ANTXR2: variants seen among roughly 807,000 people sequenced by gnomAD.
ANTXR2 encodes anthrax toxin receptor 2.
In ANTXR2, 44 loss-of-function variants were observed where a neutral mutation model predicts 73.7. The observed-to-expected ratio is 0.60, with a 90% CI of 0.47 to 0.77. The LOEUF is 0.77. Ranked by LOEUF, ANTXR2 falls within the 30% of genes least tolerant of loss-of-function variation. ANTXR2 has a pLI of 0.00. For synonymous variants in ANTXR2, 217 were observed against 205.9 expected, an observed-to-expected ratio of 1.05 and a Z score of -0.46; for missense variants, 604 against 592.5, an observed-to-expected ratio of 1.02 and a Z score of -0.20.
chr4:80,043,311 A>G (rs1733364188), intron 7 of ANTXR2, among the ~76,000 whole-genome samples: 1 of 151,982 alleles, frequency 6.6e-6, no homozygotes, highest in South Asian at 2.1e-4. Flanking sequence ...TAAATATTTG[A>G]TCTCTGCAAT....
intron 14 of ANTXR2, among the ~76,000 whole-genome samples, chr4:79,982,046 A>G (rs989692482): frequency 7.2e-5 from 11 of 152,104 alleles, no homozygotes; most frequent in African/African-American, 2.7e-4. Context: ...TCACTCACAC[A>G]TTTCCTTTCC....
At chr4:79,997,330 CA>C (rs145607451) in intron 12 of ANTXR2, among the ~76,000 whole-genome samples, 1 of 150,952 alleles carries the variant, frequency 6.6e-6, no homozygotes, top group African/African-American at 2.4e-5. Flanking sequence ...TTGCCAGTGA[CA>C]AAAAAAATGC....
intron 10 of ANTXR2, 99 bp from the exon 11 acceptor site, chr4:80,019,075 A>C: frequency 1.3e-6 from 1 of 790,206 alleles, no homozygotes; most frequent in South Asian, 2.3e-5. Context: ...CAGAAAACAT[A>C]CTTAAAGAGT....
At chr4:80,057,270 A>G (rs528355421) in intron 3 of ANTXR2, among the ~76,000 whole-genome samples, 112 of 152,116 alleles carry the variant, frequency 7.4e-4, no homozygotes, top group African/African-American at 2.4e-3. Context: ...GCCATACACA[A>G]CATTTATATA....
chr4:80,048,592 G>T (rs1033737554), intron 7 of ANTXR2, among the ~76,000 whole-genome samples: 1 of 151,656 alleles, frequency 6.6e-6, no homozygotes, highest in Admixed American at 6.6e-5. Flanking sequence ...CAACTAAGTG[G>T]TCAACATTCA....
chr4:79,935,697 T>A (rs1000625206), intron 16 of ANTXR2, among the ~76,000 whole-genome samples: 4 of 152,218 alleles, frequency 2.6e-5, no homozygotes, highest in South Asian at 2.1e-4. Context: ...TTATTTTGGA[T>A]ACAGCTATTG....
At chr4:80,068,629 A>C (rs959640600) in intron 3 of ANTXR2, among the ~76,000 whole-genome samples, 1 of 152,030 alleles carries the variant, frequency 6.6e-6, no homozygotes, top group African/African-American at 2.4e-5. Flanking sequence ...AAAATTGGCC[A>C]GGTGTGGTGG....
At chr4:79,936,637 T>A (rs1728272315) in intron 16 of ANTXR2, among the ~76,000 whole-genome samples, 1 of 151,932 alleles carries the variant, frequency 6.6e-6, no homozygotes, top group Non-Finnish European at 1.5e-5. Context: ...TGGGAAATAA[T>A]GCAAAAGAAA....
At chr4:80,017,311 T>C (rs1731920097) in intron 11 of ANTXR2, among the ~76,000 whole-genome samples, 1 of 152,204 alleles carries the variant, frequency 6.6e-6, no homozygotes, top group Non-Finnish European at 1.5e-5. Flanking sequence ...TTCCCTCAGA[T>C]GGTCTGCAGG....
At chr4:79,989,995 C>A (rs990379514) in intron 12 of ANTXR2, among the ~76,000 whole-genome samples, 1 of 151,970 alleles carries the variant, frequency 6.6e-6, no homozygotes, top group Non-Finnish European at 1.5e-5. Flanking sequence ...ATAGTAAGAA[C>A]CATCTATGAT....
chr4:80,049,089 T>C (rs1334685840), intron 7 of ANTXR2, among the ~76,000 whole-genome samples: 1 of 150,656 alleles, frequency 6.6e-6, no homozygotes, highest in Non-Finnish European at 1.5e-5. Context: ...TCACAACTGA[T>C]TTATTTCTTT....
intron 16 of ANTXR2, among the ~76,000 whole-genome samples, chr4:79,966,487 G>A (rs1347706867): frequency 6.6e-6 from 1 of 152,068 alleles, no homozygotes; most frequent in Non-Finnish European, 1.5e-5. Flanking sequence ...ATCCAAATTA[G>A]CTGTGCCAAA....
chr4:79,992,289 G>T (rs566955640), intron 12 of ANTXR2, among the ~76,000 whole-genome samples: 2 of 151,712 alleles, frequency 1.3e-5, no homozygotes, highest in East Asian at 3.9e-4. Flanking sequence ...ATATTTTGAT[G>T]TCATTGATAA....
intron 16 of ANTXR2, among the ~76,000 whole-genome samples, chr4:79,958,484 T>A (rs1225647223): frequency 6.6e-6 from 1 of 152,158 alleles, no homozygotes; most frequent in Admixed American, 6.6e-5. Context: ...TTAAGATTAA[T>A]GACAGAAGTC....
intron 16 of ANTXR2, among the ~76,000 whole-genome samples, chr4:79,924,988 T>C (rs186726928): frequency 1.3e-5 from 2 of 152,270 alleles, no homozygotes; most frequent in Admixed American, 6.5e-5. Flanking sequence ...ATGGCATCCC[T>C]GAGAAAAATC....
intron 16 of ANTXR2, among the ~76,000 whole-genome samples, chr4:79,921,880 A>G (rs912593940): frequency 6.6e-6 from 1 of 151,900 alleles, no homozygotes; most frequent in African/African-American, 2.4e-5. Context: ...TGCCTTAGGT[A>G]TTTTTATTAT....
intron 16 of ANTXR2, among the ~76,000 whole-genome samples, chr4:79,952,934 T>C (rs1728758795): frequency 1.3e-5 from 2 of 152,092 alleles, no homozygotes; most frequent in Admixed American, 1.3e-4. Flanking sequence ...CTCAGCAAAA[T>C]ATTATATAAT....
At chr4:80,049,986 G>A (rs1358831952) in intron 7 of ANTXR2, among the ~76,000 whole-genome samples, 1 of 151,650 alleles carries the variant, frequency 6.6e-6, no homozygotes, top group East Asian at 1.9e-4. Flanking sequence ...AGAATAAAGA[G>A]GTTATTAGGT....
At chr4:80,029,750 T>C (rs1235844709) in intron 10 of ANTXR2, among the ~76,000 whole-genome samples, 1 of 151,778 alleles carries the variant, frequency 6.6e-6, no homozygotes. Context: ...TCACATACAG[T>C]TCTACATCAG....
Sources: gnomAD v4.1 joint callset for allele counts (sites outside exome capture counted in the v4.1 genomes callset) on GRCh38, gnomAD v4.1.1 for gene constraint, MANE v1.5 for transcripts, NCBI Gene and HGNC (gene_info 2026-07-23, HGNC 2026-07-21) for gene names.